The following MDGA2 variants were observed in gnomAD, a reference collection of about 807,000 sequenced individuals.
The protein encoded by MDGA2 is MAM domain containing glycosylphosphatidylinositol anchor 2.
MDGA2 carries 40 observed loss-of-function variants against 117.8 expected under a neutral mutation model. The observed-to-expected ratio is 0.34, with a 90% CI of 0.26 to 0.44. MDGA2 has a LOEUF of 0.44. Ranked by LOEUF, MDGA2 falls within the 20% of genes least tolerant of loss-of-function variation. The pLI is 1.00. For synonymous variants in MDGA2, 452 were observed against 439.0 expected (o/e 1.03, Z -0.37); for missense variants, 1,123 against 1,250.6 (o/e 0.90, Z 1.54).
chr14:47,631,470 C>G (rs1182067606), intron 1 of MDGA2, among the ~76,000 whole-genome samples: 1 of 152,150 alleles, frequency 6.6e-6, no homozygotes, highest in Non-Finnish European at 1.5e-5. Flanking sequence ...CCCTCTTTGT[C>G]ATCACATAAC....
At chr14:47,050,241 C>A (rs1889409912) in intron 7 of MDGA2, among the ~76,000 whole-genome samples, 1 of 151,954 alleles carries the variant, frequency 6.6e-6, no homozygotes, top group African/African-American at 2.4e-5. Context: ...CAGGCCTACG[C>A]TTTCTACAGC....
At chr14:47,171,167 G>C (rs1422325841) in intron 3 of MDGA2, among the ~76,000 whole-genome samples, 1 of 152,008 alleles carries the variant, frequency 6.6e-6, no homozygotes, top group Non-Finnish European at 1.5e-5. Flanking sequence ...GAAATATTAT[G>C]TTTTTTACAG....
At chr14:47,072,362 C>A (rs997224598) in intron 6 of MDGA2, among the ~76,000 whole-genome samples, 2 of 152,054 alleles carry the variant, frequency 1.3e-5, no homozygotes, top group African/African-American at 4.8e-5. Context: ...ATTTTGCGTT[C>A]AATTGTTTGC....
At chr14:47,398,233 G>A (rs17118538) in intron 1 of MDGA2, among the ~76,000 whole-genome samples, 24,183 of 151,980 alleles carry the variant, frequency 0.16, 2,121 homozygotes, top group Non-Finnish European at 0.17. Flanking sequence ...AATACTGTAT[G>A]CCCAGGTTAC....
At chr14:47,054,117 G>C (rs960450487) in intron 7 of MDGA2, among the ~76,000 whole-genome samples, 1 of 151,880 alleles carries the variant, frequency 6.6e-6, no homozygotes, top group African/African-American at 2.4e-5. Context: ...CACCTTATCT[G>C]ATTCCTATCT....
At chr14:46,960,379 G>C (rs975216539) in intron 8 of MDGA2, 2 of 151,846 alleles carry the variant, frequency 1.3e-5, no homozygotes, top group African/African-American at 2.4e-5. Context: ...TTATCATTTA[G>C]ATCTATCATA....
At chr14:47,066,644 G>A (rs1890092665) in intron 6 of MDGA2, among the ~76,000 whole-genome samples, 1 of 152,040 alleles carries the variant, frequency 6.6e-6, no homozygotes. Context: ...ATCCAAAAGG[G>A]CTTGTTTATA....
At chr14:47,450,552 T>A (rs1224329219) in intron 1 of MDGA2, among the ~76,000 whole-genome samples, 2 of 152,156 alleles carry the variant, frequency 1.3e-5, no homozygotes, top group Admixed American at 1.3e-4. Context: ...AATCTCAATG[T>A]CAAATGATAA....
chr14:47,302,276 T>C (rs1290916523), intron 1 of MDGA2, among the ~76,000 whole-genome samples: 2 of 152,160 alleles, frequency 1.3e-5, no homozygotes, highest in East Asian at 1.9e-4. Context: ...TTACACATCG[T>C]TGGGGACAAC....
At chr14:47,671,495 A>C (rs1898073648) in intron 1 of MDGA2, among the ~76,000 whole-genome samples, 1 of 152,210 alleles carries the variant, frequency 6.6e-6, no homozygotes, top group South Asian at 2.1e-4. Flanking sequence ...CATAGTTCTC[A>C]ATCATGTAAA....
rs1167459626 is a variant in MDGA2 at position 47,609,436 on chromosome 14, T to C, written c.280+65081A>G. Among the ~76,000 whole-genome samples, 13 of 82,046 alleles carry C rather than the reference T, an allele frequency of 1.6e-4. 1 individual carries two copies. Among genetic ancestry groups the C allele is most frequent in the African/African-American group, 2.6e-4 (5 of 19,180 alleles). The allele number at this position is 82,046 out of a possible 152,430, so 53.8% of individuals were successfully genotyped here. ...GCTGAGTAGTATTCCATCATATATA[T>C]ATATATATATATATATATATATATA... On this transcript the variant is annotated intron_variant, in intron 1 of 16. Transcript: ENST00000399232.
At position 47,032,455 on chromosome 14, in the gene MDGA2, T is replaced by C. The variant is rs1296665187; in HGVS notation, c.1819+2556A>G. On this transcript the variant is annotated intron_variant, in intron 8 of 16. Coordinates refer to ENST00000399232, the MANE Select transcript of MDGA2 (RefSeq NM_001113498.3). ...TTAAAAAATTAGCCAGGTATGGAGGTGCACACTTGTAGTCCCAGCTACTCA... is the reference window on the plus strand; with the variant it reads ...TTAAAAAATTAGCCAGGTATGGAGGCGCACACTTGTAGTCCCAGCTACTCA... Among the ~76,000 whole-genome samples the C allele has an allele frequency of 2.0e-5, 3 of 151,832 alleles. No individual in the cohort carries two copies. The East Asian group carries it at 5.8e-4, about 29-fold the overall frequency.
chr14:47,525,121 C>T (rs1489313097), intron 1 of MDGA2, among the ~76,000 whole-genome samples: 2 of 152,166 alleles, frequency 1.3e-5, no homozygotes, highest in Non-Finnish European at 2.9e-5. Context: ...TGCTTCCTTG[C>T]AGCTTGCATC....
intron 1 of MDGA2, among the ~76,000 whole-genome samples, chr14:47,592,654 A>G (rs916928564): frequency 3.3e-5 from 5 of 152,182 alleles, no homozygotes; most frequent in African/African-American, 1.2e-4. Context: ...CCTATTTAAT[A>G]AATGGTGCTG....
chr14:47,577,406 A>G (rs138322354), intron 1 of MDGA2, among the ~76,000 whole-genome samples: 284 of 152,326 alleles, frequency 1.9e-3, no homozygotes, highest in Non-Finnish European at 3.3e-3. Context: ...GCAAACGCCA[A>G]AAGCAATTGC....
intron 3 of MDGA2, among the ~76,000 whole-genome samples, chr14:47,179,362 C>T (rs953267496): frequency 4.6e-5 from 7 of 151,876 alleles, no homozygotes; most frequent in East Asian, 1.9e-4. Flanking sequence ...CTACATAGTT[C>T]GTTCTACTGT....
At position 46,841,842 on chromosome 14, in the gene MDGA2, G is replaced by C; in HGVS notation, c.*89C>G. 1 of 881,436 alleles carries C rather than the reference G, an allele frequency of 1.1e-6. No individual in the cohort carries two copies. Among genetic ancestry groups the C allele is most frequent in the Non-Finnish European group, 1.8e-6 (1 of 567,188 alleles). 54.6% of individuals were successfully genotyped at this position (881,436 alleles called of 1,614,324 possible). On this transcript the variant is annotated 3_prime_UTR_variant, in exon 17 of 17. Coordinates refer to ENST00000399232, the MANE Select transcript of MDGA2 (RefSeq NM_001113498.3). Reference sequence around the variant, plus strand: ...GTCAGTAGTCAGTGGAGGAATCTTTGGTAGTTTGTTTGTTCAATGTCCATT... The same window carrying C: ...GTCAGTAGTCAGTGGAGGAATCTTTCGTAGTTTGTTTGTTCAATGTCCATT...
intron 1 of MDGA2, among the ~76,000 whole-genome samples, chr14:47,651,032 G>A (rs985925192): frequency 2.0e-5 from 3 of 151,998 alleles, no homozygotes; most frequent in Non-Finnish European, 4.4e-5. Flanking sequence ...AGCTTTTTGG[G>A]TCTTTATTTA....
intron 12 of MDGA2, among the ~76,000 whole-genome samples, chr14:46,876,694 A>G (rs964731995): frequency 2.1e-5 from 3 of 145,620 alleles, no homozygotes; most frequent in African/African-American, 7.3e-5. Context: ...CAATATGATG[A>G]AAAAACAAAA....
Sources: allele counts gnomAD v4.1 joint callset (sites outside exome capture counted in the v4.1 genomes callset), GRCh38; gene constraint gnomAD v4.1.1; transcripts MANE v1.5; gene names NCBI Gene and HGNC (gene_info 2026-07-23, HGNC 2026-07-21).